CDC123: variants seen among roughly 807,000 people sequenced by gnomAD.
CDC123 encodes cell division cycle 123, also known as translation initiation factor eIF2 assembly protein.
CDC123 carries 37 observed loss-of-function variants against 54.4 expected under a neutral mutation model. That is an observed-to-expected ratio of 0.68 (90% CI 0.52 to 0.89). CDC123 has a LOEUF of 0.89. Ranked by LOEUF, CDC123 falls within the 40% of genes least tolerant of loss-of-function variation. The pLI, the probability that CDC123 is intolerant of heterozygous loss-of-function variation, is 0.00. For missense variants in CDC123, 361 were observed against 412.1 expected, an observed-to-expected ratio of 0.88 and a Z score of 1.07; for synonymous variants, 144 against 136.8, an observed-to-expected ratio of 1.05 and a Z score of -0.37.
Position 12,210,135 on chromosome 10 carries a change from G to C in CDC123, c.204+111G>C, listed in dbSNP as rs182136185. 368 of 1,445,840 alleles carry C rather than the reference G, an allele frequency of 2.5e-4. 2 individuals carry two copies. The African/African-American group carries it at 4.5e-3, about 18-fold the overall frequency. The allele number at this position is 1,445,840 out of a possible 1,614,324, so 89.6% of individuals were successfully genotyped here. On this transcript the variant is annotated intron_variant, in intron 3 of 12. Coordinates refer to ENST00000281141, the MANE Select transcript of CDC123 (RefSeq NM_006023.3). ...TACATCTGATAAAATGAGAAATTAC[G>C]TGAGAATCTTACTTTGACATATATT...
At chr10:12,221,692 A>G (rs2131744881) in intron 6 of CDC123, among the ~76,000 whole-genome samples, 1 of 150,728 alleles carries the variant, frequency 6.6e-6, no homozygotes, top group East Asian at 1.9e-4. Context: ...TTTTTTTGAG[A>G]TTTTTATTTT....
intron 6 of CDC123, among the ~76,000 whole-genome samples, chr10:12,222,212 T>A (rs1239241499): frequency 1.3e-5 from 2 of 152,224 alleles, no homozygotes; most frequent in Admixed American, 1.3e-4. Context: ...TCCTGGAGGG[T>A]AGACAGCTAG....
intron 6 of CDC123, among the ~76,000 whole-genome samples, chr10:12,218,946 A>T (rs1835696858): frequency 6.6e-6 from 1 of 152,214 alleles, no homozygotes; most frequent in Non-Finnish European, 1.5e-5. Flanking sequence ...TCTTAAACAG[A>T]CCAGTTATCT....
At chr10:12,239,136 C>A (rs1218769610) in intron 10 of CDC123, among the ~76,000 whole-genome samples, 1 of 151,948 alleles carries the variant, frequency 6.6e-6, no homozygotes, top group Non-Finnish European at 1.5e-5. Context: ...GCCAGGGTGA[C>A]AGAGTGAGAC....
At chr10:12,240,426 A>G (rs1321201823) in intron 10 of CDC123, among the ~76,000 whole-genome samples, 1 of 152,234 alleles carries the variant, frequency 6.6e-6, no homozygotes, top group Admixed American at 6.5e-5. Context: ...ACCTTTGGAC[A>G]TCTTCGAATC....
intron 6 of CDC123, among the ~76,000 whole-genome samples, chr10:12,229,124 A>G (rs566638254): frequency 2.0e-5 from 3 of 152,248 alleles, no homozygotes; most frequent in Admixed American, 2.0e-4. Context: ...CCCCGAGGCT[A>G]TTGCAGCAAG....
chr10:12,222,958 C>G (rs561710652), intron 6 of CDC123, among the ~76,000 whole-genome samples: 162 of 151,758 alleles, frequency 1.1e-3, no homozygotes, highest in African/African-American at 3.6e-3. Flanking sequence ...GTGGCGTGAT[C>G]GTGGCTCACT....
intron 2 of CDC123, among the ~76,000 whole-genome samples, chr10:12,209,130 T>A (rs1234436602): frequency 6.6e-6 from 1 of 152,234 alleles, no homozygotes; most frequent in African/African-American, 2.4e-5. Context: ...CTCAGTATTA[T>A]CAGCAATGGA....
At chr10:12,203,854 A>G (rs1214292680) in intron 2 of CDC123, among the ~76,000 whole-genome samples, 1 of 152,138 alleles carries the variant, frequency 6.6e-6, no homozygotes, top group Non-Finnish European at 1.5e-5. Flanking sequence ...GCACTTTAGG[A>G]GGCGGAGGTA....
In CDC123 at chr10:12,226,460, C is replaced by T. The variant is rs1017523286; in HGVS notation, c.441-4488C>T. On this transcript the variant is annotated intron_variant, in intron 6 of 12. Coordinates refer to ENST00000281141, the MANE Select transcript of CDC123 (RefSeq NM_006023.3). ...GTGGAGACGCTCCTCACTTCCCAGA[C>T]GGGGCGGCTGCTGGGCGGAGGGGCT... is the stretch of plus-strand genomic sequence containing the variant. 3.9e-5 allele frequency among the ~76,000 whole-genome samples: 6 copies of T among 152,000 alleles called. No homozygotes were observed. In the South Asian group the frequency reaches 6.2e-4, roughly 16 times the overall value.
At position 12,206,789 on chromosome 10, in the gene CDC123, T is replaced by G. The variant is rs559957909; in HGVS notation, c.147-3178T>G. Among the ~76,000 whole-genome samples the G allele has an allele frequency of 8.5e-3, 1,288 of 152,092 alleles. 10 individuals are homozygous for G. Among genetic ancestry groups the G allele is most frequent in the South Asian group, 0.016 (79 of 4,814 alleles). ...CTGGCCAACACGGTGAAACCCCATC[T>G]CTACTAAAAATGCAAAAAAATTAGC... On this transcript the variant is annotated intron_variant, in intron 2 of 12. Transcript: ENST00000281141.
intron 2 of CDC123, among the ~76,000 whole-genome samples, chr10:12,201,986 A>G (rs963351787): frequency 1.3e-5 from 2 of 152,198 alleles, no homozygotes; most frequent in African/African-American, 4.8e-5. Flanking sequence ...ATGAATGAAG[A>G]TGGTCATTTG....
chr10:12,205,801 CTTT>C (rs1203357821), intron 2 of CDC123, among the ~76,000 whole-genome samples: 2 of 143,858 alleles, frequency 1.4e-5, no homozygotes, highest in Admixed American at 7.0e-5. Context: ...TAAACTTTCA[CTTT>C]TTTTTTTTTT....
intron 3 of CDC123, 84 bp downstream of exon 3, chr10:12,210,108 C>T (rs1001437347): frequency 1.4e-5 from 21 of 1,490,748 alleles, no homozygotes; most frequent in Non-Finnish European, 2.0e-5. Flanking sequence ...TAGATCTTAT[C>T]TTACATCTGA....
rs12263442 is a variant in CDC123 at position 12,209,896 on chromosome 10, G to A, written c.147-71G>A. On this transcript the variant is annotated intron_variant, in intron 2 of 12. Coordinates refer to ENST00000281141, the MANE Select transcript of CDC123 (RefSeq NM_006023.3). ...AAGGCTATTTAAAAACATATACTCA[G>A]TACCCCTGAAATTAGGAGCATGCGG... The A allele has an allele frequency of 4.0e-3, 5,724 of 1,421,094 alleles. 174 individuals are homozygous for A. In the African/African-American group the frequency reaches 0.066, roughly 16 times the overall value. The allele number at this position is 1,421,094 out of a possible 1,614,324, so 88.0% of individuals were successfully genotyped here.
chr10:12,222,060 T>C (rs1835744514), intron 6 of CDC123, among the ~76,000 whole-genome samples: 1 of 152,200 alleles, frequency 6.6e-6, no homozygotes, highest in Non-Finnish European at 1.5e-5. Flanking sequence ...GCAATGTGGA[T>C]CCGCTGGTCC....
chr10:12,243,744 A>G (rs200562950), intron 10 of CDC123, among the ~76,000 whole-genome samples: 2 of 151,480 alleles, frequency 1.3e-5, no homozygotes, highest in Non-Finnish European at 2.9e-5. Context: ...AGATCGCACC[A>G]CTGCACTCCA....
intron 7 of CDC123, among the ~76,000 whole-genome samples, chr10:12,231,605 A>G (rs1002237023): frequency 2.7e-5 from 4 of 148,268 alleles, no homozygotes; most frequent in African/African-American, 1.0e-4. Flanking sequence ...AGCCTGGGCC[A>G]CAAAAGTGAA....
At chr10:12,226,766 C>G (rs1167528791) in intron 6 of CDC123, among the ~76,000 whole-genome samples, 1 of 150,962 alleles carries the variant, frequency 6.6e-6, no homozygotes, top group Non-Finnish European at 1.5e-5. Context: ...CTCCTCACTT[C>G]CCAGACTGGG....
Sources: gnomAD v4.1 joint callset for allele counts (sites outside exome capture counted in the v4.1 genomes callset) on GRCh38, gnomAD v4.1.1 for gene constraint, MANE v1.5 for transcripts, NCBI Gene and HGNC (gene_info 2026-07-23, HGNC 2026-07-21) for gene names.